Variants in CA10 observed in about 807,000 individuals in gnomAD.
The protein encoded by CA10 is carbonic anhydrase-related protein 10.
CA10 carries 14 observed loss-of-function variants against 44.2 expected under a neutral mutation model. That is an observed-to-expected ratio of 0.32 (90% CI 0.21 to 0.50). The LOEUF is 0.50. Ranked by LOEUF, CA10 falls within the 20% of genes least tolerant of loss-of-function variation. CA10 has a pLI of 0.99. For synonymous variants in CA10, 159 were observed against 141.6 expected, an observed-to-expected ratio of 1.12 and a Z score of -0.87; for missense variants, 350 against 409.7, an observed-to-expected ratio of 0.85 and a Z score of 1.26.
At chr17:51,708,660 G>A (rs1915834341) in intron 4 of CA10, among the ~76,000 whole-genome samples, 1 of 152,146 alleles carries the variant, frequency 6.6e-6, no homozygotes, top group South Asian at 2.1e-4. Flanking sequence ...TTGAGCCAGT[G>A]GGAGAAGGAG....
chr17:51,667,692 G>C (rs1484290911), intron 4 of CA10, among the ~76,000 whole-genome samples: 2 of 152,134 alleles, frequency 1.3e-5, no homozygotes, highest in African/African-American at 4.8e-5. Flanking sequence ...TTGTTTTACA[G>C]AGGGATCTTT....
intron 2 of CA10, among the ~76,000 whole-genome samples, chr17:51,961,226 C>CACAG (rs1235875032): frequency 6.9e-6 from 1 of 144,546 alleles, no homozygotes; most frequent in Admixed American, 6.9e-5. Flanking sequence ...CACACACACA[C>CACAG]AGAGTTTCTT....
chr17:51,715,524 A>G (rs1315861092), intron 4 of CA10, among the ~76,000 whole-genome samples: 2 of 152,186 alleles, frequency 1.3e-5, no homozygotes, highest in Non-Finnish European at 2.9e-5. Context: ...ATAATCACAA[A>G]ACAGGGAATG....
intron 3 of CA10, among the ~76,000 whole-genome samples, chr17:51,818,011 T>C (rs986545643): frequency 2.0e-5 from 3 of 152,218 alleles, no homozygotes; most frequent in Non-Finnish European, 2.9e-5. Flanking sequence ...GTTAGTATCA[T>C]CATCTGACTG....
intron 4 of CA10, among the ~76,000 whole-genome samples, chr17:51,736,233 T>A (rs924783030): frequency 6.6e-6 from 1 of 152,142 alleles, no homozygotes; most frequent in African/African-American, 2.4e-5. Flanking sequence ...AATAATTCCA[T>A]CAATTTTCAC....
At chr17:51,648,781 C>T (rs1913440061) in intron 6 of CA10, among the ~76,000 whole-genome samples, 1 of 152,114 alleles carries the variant, frequency 6.6e-6, no homozygotes, top group Non-Finnish European at 1.5e-5. Flanking sequence ...GAGAAATGGT[C>T]TAGCCGAGGG....
chr17:52,032,436 A>G (rs1466574151), intron 2 of CA10, among the ~76,000 whole-genome samples: 1 of 152,128 alleles, frequency 6.6e-6, no homozygotes, highest in East Asian at 1.9e-4. Flanking sequence ...GACTTAATCT[A>G]ATTATCTCAT....
intron 3 of CA10, among the ~76,000 whole-genome samples, chr17:51,903,333 C>T (rs1981399335): frequency 6.6e-6 from 1 of 152,100 alleles, no homozygotes; most frequent in East Asian, 1.9e-4. Flanking sequence ...CTTAATATTG[C>T]TTATATCCTT....
rs183072549 is a variant in CA10 at position 51,707,163 on chromosome 17, T to C, written c.465+40470A>G. Among the ~76,000 whole-genome samples, 6 of 152,340 alleles carry C rather than the reference T, an allele frequency of 3.9e-5. No homozygotes were observed. The East Asian group carries it at 5.8e-4, about 15-fold the overall frequency. ...CTAGGTGCTTAATAAATATTTATCATGTGAATGAATGGTCAGCCCACTTCT... is the reference window on the plus strand; with the variant it reads ...CTAGGTGCTTAATAAATATTTATCACGTGAATGAATGGTCAGCCCACTTCT... On this transcript the variant is annotated intron_variant, in intron 4 of 8. Coordinates refer to ENST00000451037, the MANE Select transcript of CA10 (RefSeq NM_020178.5).
At chr17:51,969,532 G>A (rs1229066848) in intron 2 of CA10, among the ~76,000 whole-genome samples, 6 of 151,946 alleles carry the variant, frequency 3.9e-5, no homozygotes, top group African/African-American at 1.4e-4. Flanking sequence ...CAAACCGACT[G>A]ACAGTCTTAG....
intron 2 of CA10, among the ~76,000 whole-genome samples, chr17:51,955,416 C>T (rs1983630647): frequency 6.6e-6 from 1 of 152,180 alleles, no homozygotes; most frequent in Non-Finnish European, 1.5e-5. Context: ...TCAGCTTCCA[C>T]TCCAGCTTCA....
intron 8 of CA10, among the ~76,000 whole-genome samples, chr17:51,632,792 CAG>C (rs1398838735): frequency 1.3e-5 from 2 of 152,120 alleles, no homozygotes; most frequent in Non-Finnish European, 2.9e-5. Flanking sequence ...CAATGATTAA[CAG>C]ATGTTTAGTA....
chr17:51,893,474 G>A (rs1464007399), intron 3 of CA10, among the ~76,000 whole-genome samples: 1 of 152,104 alleles, frequency 6.6e-6, no homozygotes, highest in Non-Finnish European at 1.5e-5. Flanking sequence ...AGTGTTTATG[G>A]GGATAAAAAG....
intron 3 of CA10, among the ~76,000 whole-genome samples, chr17:51,779,764 T>C (rs912307521): frequency 6.6e-6 from 1 of 152,158 alleles, no homozygotes; most frequent in Non-Finnish European, 1.5e-5. Flanking sequence ...ATTCATGGAT[T>C]TAGGTGAGGA....
At chr17:52,033,594 A>G (rs550676130) in intron 2 of CA10, among the ~76,000 whole-genome samples, 1 of 152,336 alleles carries the variant, frequency 6.6e-6, no homozygotes, top group Admixed American at 6.5e-5. Context: ...CTAAAACCCA[A>G]TGGATCTATC....
At chr17:52,093,869 T>C (rs1006029094) in intron 1 of CA10, among the ~76,000 whole-genome samples, 2 of 152,136 alleles carry the variant, frequency 1.3e-5, no homozygotes, top group Non-Finnish European at 2.9e-5. Context: ...TATTTATACA[T>C]AAAGACACTG....
chr17:51,978,380 GTA>G (rs1468046976), intron 2 of CA10, among the ~76,000 whole-genome samples: 27 of 148,738 alleles, frequency 1.8e-4, no homozygotes, highest in Non-Finnish European at 3.9e-4. Flanking sequence ...GTGTGTGTCT[GTA>G]TGTGTGTGTG....
chr17:51,959,011 G>T (rs144918635), intron 2 of CA10, among the ~76,000 whole-genome samples: 357 of 152,148 alleles, frequency 2.3e-3, no homozygotes, highest in African/African-American at 8.2e-3. Flanking sequence ...AAGCTTAAAG[G>T]TATTTTCAGT....
At chr17:51,689,949 C>A (rs966211182) in intron 4 of CA10, among the ~76,000 whole-genome samples, 1 of 148,030 alleles carries the variant, frequency 6.8e-6, no homozygotes, top group Non-Finnish European at 1.5e-5. Context: ...TCTACTCTTA[C>A]CGATTTTTTT....
Sources: allele counts gnomAD v4.1 joint callset (sites outside exome capture counted in the v4.1 genomes callset), GRCh38; gene constraint gnomAD v4.1.1; transcripts MANE v1.5; gene names NCBI Gene and HGNC (gene_info 2026-07-23, HGNC 2026-07-21).